Variants in MTA1 observed in about 807,000 individuals in gnomAD.
MTA1 encodes the protein metastasis-associated protein MTA1.
In MTA1, 15 loss-of-function variants were observed where a neutral mutation model predicts 97.0. The ratio of observed to expected loss-of-function variants is 0.15; its 90% confidence interval spans 0.10 to 0.24. The LOEUF (loss-of-function observed/expected upper bound fraction) is 0.24. MTA1 is among the 10% of genes least tolerant of loss of function. The pLI is 1.00. For synonymous variants in MTA1, 435 were observed against 417.5 expected (o/e 1.04, Z -0.51); for missense variants, 709 against 1,015.1 (o/e 0.70, Z 4.10).
At chr14:105,445,319 A>C in intron 2 of MTA1, 99 bp from the exon 3 acceptor site, 1 of 1,026,974 alleles carries the variant, frequency 9.7e-7, no homozygotes, top group Non-Finnish European at 1.5e-6. Flanking sequence ...TTACACCTGC[A>C]GTCCCTGGAC....
Position 105,450,119 on chromosome 14 carries a change from C to T in MTA1, c.303C>T (p.His101=). The T allele has an allele frequency of 6.2e-7, 1 of 1,613,338 alleles. No individual in the cohort carries two copies. The highest frequency in any genetic ancestry group is 8.5e-7 in the Non-Finnish European group (1 of 1,179,882). Residue 101 remains histidine (H), a synonymous_variant, in exon 5 of 21, where the codon CAC becomes CAT. Transcript: ENST00000331320. The part of the protein sequence containing the change: ...EMVDLPEKLK[H]QLRHRELFLS... ...TGGACCTGCCCGAGAAACTAAAGCACCAGCTGCGGCATCGGGAGCTGTTCC... is the reference window on the plus strand; with the variant it reads ...TGGACCTGCCCGAGAAACTAAAGCATCAGCTGCGGCATCGGGAGCTGTTCC...
intron 2 of MTA1, among the ~76,000 whole-genome samples, chr14:105,441,777 G>C (rs1332211944): frequency 2.0e-5 from 3 of 152,170 alleles, no homozygotes; most frequent in Admixed American, 6.6e-5. Flanking sequence ...CTGGGCGACA[G>C]AGCGAGACTC....
intron 7 of MTA1, among the ~76,000 whole-genome samples, chr14:105,455,493 G>A (rs2083110742): frequency 1.3e-5 from 2 of 152,254 alleles, no homozygotes; most frequent in South Asian, 4.1e-4. Flanking sequence ...CCCCGAGGGT[G>A]GGCGGGGACT....
At position 105,464,735 on chromosome 14, in the gene MTA1, A is replaced by C. The variant is rs782699393; in HGVS notation, c.1406A>C (p.Gln469Pro). ...GSPKFAMKTRQAFYLHTTKLT... is the reference protein window; with the variant it reads ...GSPKFAMKTRPAFYLHTTKLT... ...CCCAAGTTTGCCATGAAGACCAGGC[A>C]GGCTTTCTATCTGCACACGACGAAG... The change falls in exon 15 of 21, where the codon CAG (glutamine) becomes CCG (proline). Residue 469 changes from glutamine (Q) to proline (P), a missense_variant. By Grantham distance (76) the Gln-to-Pro change is moderately conservative. Transcript: ENST00000331320. The C allele has an allele frequency of 1.4e-5, 22 of 1,609,628 alleles. No individual in the cohort carries two copies. Among genetic ancestry groups the C allele is most frequent in the Non-Finnish European group, 1.6e-5 (19 of 1,177,718 alleles).
chr14:105,449,913 G>A, intron 4 of MTA1, 145 bp from the exon 5 acceptor site: 1 of 1,224,604 alleles, frequency 8.2e-7, no homozygotes, highest in East Asian at 2.6e-5. Context: ...GGGTGGGGCA[G>A]TGGGACAGTG....
chr14:105,442,861 T>TGTGAC (rs2082589524), intron 2 of MTA1, among the ~76,000 whole-genome samples: 1 of 40,474 alleles, frequency 2.5e-5, no homozygotes, highest in African/African-American at 7.6e-5. Flanking sequence ...AGAACAGACC[T>TGTGAC]TGAGCGTCAT....
rs587657365 is a variant in MTA1, at chr14:105,450,432, C to T, written c.432+108C>T. 2,561 of 1,260,384 alleles carry T rather than the reference C, an allele frequency of 2.0e-3. 27 individuals are homozygous for T. Among genetic ancestry groups the T allele is most frequent in the South Asian group, 0.014 (984 of 68,004 alleles). 78.1% of individuals were successfully genotyped at this position (1,260,384 alleles called of 1,614,324 possible). A position where few individuals can be genotyped will look rare whatever the true frequency, so the allele number is the denominator to read the frequency against. ...GCGGAGACGATTTTCCCTCCTCCCTCTAGGCCCAGGCTGTTCTGGGGGGAA... is the reference window on the plus strand; with the variant it reads ...GCGGAGACGATTTTCCCTCCTCCCTTTAGGCCCAGGCTGTTCTGGGGGGAA... On this transcript the variant is annotated intron_variant, in intron 6 of 20. Coordinates refer to ENST00000331320, the MANE Select transcript of MTA1 (RefSeq NM_004689.4).
intron 6 of MTA1, among the ~76,000 whole-genome samples, chr14:105,451,740 C>T (rs1239020753): frequency 2.0e-5 from 3 of 150,840 alleles, no homozygotes; most frequent in Non-Finnish European, 4.4e-5. Context: ...AACCCTCCTG[C>T]TGCACGATGC....
chr14:105,434,937 C>T (rs1414697414), intron 1 of MTA1, among the ~76,000 whole-genome samples: 1 of 152,170 alleles, frequency 6.6e-6, no homozygotes, highest in African/African-American at 2.4e-5. Flanking sequence ...AGTTTTATTT[C>T]TTCATATCCA....
At chr14:105,466,659 C>T (rs1555432962) in intron 17 of MTA1, 48 bp from the exon 18 acceptor site, 11 of 1,599,998 alleles carry the variant, frequency 6.9e-6, no homozygotes, top group East Asian at 4.5e-5. Context: ...ACCCGCCGTG[C>T]GTGCTGACGC....
At position 105,463,288 on chromosome 14, in the gene MTA1, G is replaced by T. The variant is rs202029669; in HGVS notation, c.1017+30G>T. 3.7e-6 allele frequency: 6 copies of T among 1,609,280 alleles called. No individual in the cohort carries two copies. In the Admixed American group the frequency reaches 5.0e-5, roughly 13 times the overall value. Reference sequence around the variant, plus strand: ...GCCCGCCCGCCACTCAGTGCCCGGGGTGTGCCGCCTCCCCGTCCTGCGCCC... The same window carrying T: ...GCCCGCCCGCCACTCAGTGCCCGGGTTGTGCCGCCTCCCCGTCCTGCGCCC... On this transcript the variant is annotated intron_variant, in intron 11 of 20. Coordinates refer to ENST00000331320, the MANE Select transcript of MTA1 (RefSeq NM_004689.4). This position sits in a 1 kb window ranked among gnomAD's most constrained non-coding sequence, Gnocchi z 5.9.
intron 2 of MTA1, among the ~76,000 whole-genome samples, chr14:105,442,264 G>A (rs2082559489): frequency 6.6e-6 from 1 of 152,216 alleles, no homozygotes; most frequent in South Asian, 2.1e-4. Flanking sequence ...TCCACGCCCA[G>A]CCAAGCTCCA....
chr14:105,470,287 C>T lies in MTA1; in HGVS notation c.*72C>T. ...CGGCCCCTTCCCAGCCAGCCCGCCG[C>T]CCGCCCCTCAGTTTGGTAGTGCCCC... On this transcript the variant is annotated 3_prime_UTR_variant, in exon 21 of 21. Transcript: ENST00000331320. The T allele has an allele frequency of 7.6e-7, 1 of 1,309,056 alleles. No homozygotes were observed. The highest frequency in any genetic ancestry group is 9.8e-7 in the Non-Finnish European group (1 of 1,015,606). 81.1% of individuals were successfully genotyped at this position (1,309,056 alleles called of 1,614,324 possible).
At chr14:105,454,869 C>A (rs1595378211) in intron 7 of MTA1, among the ~76,000 whole-genome samples, 2 of 151,962 alleles carry the variant, frequency 1.3e-5, no homozygotes, top group South Asian at 4.2e-4. Flanking sequence ...GGATTACAGG[C>A]GTGAGCCACC....
At chr14:105,425,382 C>T (rs1385570083) in intron 1 of MTA1, among the ~76,000 whole-genome samples, 1 of 152,114 alleles carries the variant, frequency 6.6e-6, no homozygotes, top group Non-Finnish European at 1.5e-5. Context: ...CTCAGGCGAT[C>T]CTCCCATCTC....
chr14:105,460,475 G>T lies in MTA1; in HGVS notation c.753+18G>T. 6.3e-7 allele frequency: 1 copy of T among 1,594,842 alleles called. No individual in the cohort carries two copies. Reference sequence around the variant, plus strand: ...TCACCCTGGTAAGTGGGCCCAGGGCGGGACAGGTGAGACCTGGGGTGGCCC... The same window carrying T: ...TCACCCTGGTAAGTGGGCCCAGGGCTGGACAGGTGAGACCTGGGGTGGCCC... On this transcript the variant is annotated intron_variant, in intron 9 of 20. Transcript: ENST00000331320.
At chr14:105,445,343 C>A in intron 2 of MTA1, 75 bp from the exon 3 acceptor site, 1 of 1,419,162 alleles carries the variant, frequency 7.0e-7, no homozygotes, top group South Asian at 1.2e-5. Flanking sequence ...AGGGTCCGGC[C>A]TTGGAGCCCC....
intron 18 of MTA1, chr14:105,469,200 G>T (rs2083724790): frequency 1.6e-6 from 1 of 621,682 alleles, no homozygotes; most frequent in Admixed American, 2.3e-5. Context: ...GCAGGGAGGT[G>T]ACTGTCGGGT....
intron 3 of MTA1, among the ~76,000 whole-genome samples, chr14:105,446,607 G>A (rs1295902920): frequency 6.6e-6 from 1 of 152,242 alleles, no homozygotes; most frequent in Admixed American, 6.5e-5. Context: ...AGACCATCCT[G>A]CCACCGATGC....
Sources: gnomAD v4.1 joint callset for allele counts (sites outside exome capture counted in the v4.1 genomes callset) on GRCh38, gnomAD v4.1.1 for gene constraint, Gnocchi (gnomAD v3.1) non-coding constraint, MANE v1.5 for transcripts, NCBI Gene and HGNC (gene_info 2026-07-23, HGNC 2026-07-21) for gene names.